ZFYVE9: variants seen among roughly 807,000 people sequenced by gnomAD.
The protein encoded by ZFYVE9 is zinc finger FYVE-type containing 9.
Under a neutral mutation model 126.7 loss-of-function variants are expected in ZFYVE9, and 43 were observed. That is an observed-to-expected ratio of 0.34 (90% CI 0.27 to 0.44). The LOEUF (loss-of-function observed/expected upper bound fraction) is 0.44. Among genes scored for constraint, ZFYVE9 ranks in the 20% least tolerant of loss-of-function variants. ZFYVE9 has a pLI of 1.00. For missense variants in ZFYVE9, 1,476 were observed against 1,697.0 expected, an observed-to-expected ratio of 0.87 and a Z score of 2.29; for synonymous variants, 521 against 597.4, an observed-to-expected ratio of 0.87 and a Z score of 1.87.
intron 16 of ZFYVE9, 86 bp downstream of exon 16, chr1:52,338,020 A>G: frequency 7.0e-7 from 1 of 1,435,946 alleles, no homozygotes; most frequent in South Asian, 1.5e-5. Context: ...GGTGTTTTAT[A>G]GTTTTACTGA....
In ZFYVE9 at chr1:52,148,566, A is replaced by G. The variant is rs144460946; in HGVS notation, c.-143+6163A>G. Among the ~76,000 whole-genome samples the G allele has an allele frequency of 7.9e-5, 12 of 152,280 alleles. No homozygotes were observed. The East Asian group carries it at 2.1e-3, about 27-fold the overall frequency. On this transcript the variant is annotated intron_variant, in intron 1 of 18. Coordinates refer to ENST00000287727, the MANE Select transcript of ZFYVE9 (RefSeq NM_004799.4). ...CTCTGGTTAATAGAACTGATTAACC[A>G]CATTGGGTGGTGATAGGAATGGTGG...
intron 1 of ZFYVE9, among the ~76,000 whole-genome samples, chr1:52,144,460 C>T (rs1324006783): frequency 2.0e-5 from 3 of 152,108 alleles, no homozygotes; most frequent in Non-Finnish European, 2.9e-5. Context: ...CTAGGGATGA[C>T]GATGGCCCAA....
chr1:52,330,815 C>A (rs1305362512), intron 13 of ZFYVE9, among the ~76,000 whole-genome samples: 1 of 152,056 alleles, frequency 6.6e-6, no homozygotes, highest in Non-Finnish European at 1.5e-5. Flanking sequence ...CTCATTTTAC[C>A]CAGCCCCTGT....
At chr1:52,292,082 C>T (rs1410148928) in intron 10 of ZFYVE9, among the ~76,000 whole-genome samples, 1 of 151,760 alleles carries the variant, frequency 6.6e-6, no homozygotes, top group Admixed American at 6.6e-5. Flanking sequence ...AATTTGAGAC[C>T]AGTCTGGCCA....
chr1:52,245,226 T>G (rs1284937410), intron 4 of ZFYVE9, among the ~76,000 whole-genome samples: 1 of 151,952 alleles, frequency 6.6e-6, no homozygotes, highest in African/African-American at 2.4e-5. Flanking sequence ...TACTTATTGC[T>G]TGGTATTCTG....
intron 4 of ZFYVE9, among the ~76,000 whole-genome samples, chr1:52,255,619 G>T: frequency 6.8e-6 from 1 of 146,896 alleles, no homozygotes; most frequent in African/African-American, 2.5e-5. Context: ...TAGGCTGGAT[G>T]CAGTGGCTCA....
At chr1:52,190,387 C>T (rs1644805923) in intron 1 of ZFYVE9, 1 of 152,102 alleles carries the variant, frequency 6.6e-6, no homozygotes, top group African/African-American at 2.4e-5. Context: ...TCAGTTTATG[C>T]TTAGTGTACT....
At chr1:52,148,805 A>G (rs943363809) in intron 1 of ZFYVE9, among the ~76,000 whole-genome samples, 2 of 151,280 alleles carry the variant, frequency 1.3e-5, no homozygotes, top group Non-Finnish European at 3.0e-5. Context: ...CCATGCCTGG[A>G]TAAGTTTTGT....
intron 10 of ZFYVE9, among the ~76,000 whole-genome samples, chr1:52,288,820 G>T (rs942797941): frequency 6.6e-6 from 1 of 151,438 alleles, no homozygotes; most frequent in African/African-American, 2.4e-5. Context: ...CAACTACTTG[G>T]GAAGCTCAGG....
In ZFYVE9 at chr1:52,296,972, A is replaced by G. The variant is rs1645981832; in HGVS notation, c.3333+995A>G. 2.0e-5 allele frequency among the ~76,000 whole-genome samples: 3 copies of G among 152,180 alleles called. No individual in the cohort carries two copies. The South Asian group carries it at 6.2e-4, about 32-fold the overall frequency. ...TGGGAGCACACTACCACACCCAGCT[A>G]ATTTTTGTATTTTTTGTAGAGAGAG... On this transcript the variant is annotated intron_variant, in intron 12 of 18. Coordinates refer to ENST00000287727, the MANE Select transcript of ZFYVE9 (RefSeq NM_004799.4).
chr1:52,318,284 CAGGATGAAAA>C (rs551462973), intron 13 of ZFYVE9, among the ~76,000 whole-genome samples: 73 of 151,716 alleles, frequency 4.8e-4, no homozygotes, highest in African/African-American at 1.5e-3. Context: ...GATCCTTTAA[CAGGATGAAAA>C]AGGAAAACCA....
intron 2 of ZFYVE9, among the ~76,000 whole-genome samples, chr1:52,221,896 G>A (rs766571636): frequency 6.6e-6 from 1 of 152,066 alleles, no homozygotes; most frequent in Non-Finnish European, 1.5e-5. Context: ...TTTGATATAG[G>A]GGCTTTGTTT....
At chr1:52,207,054 A>C (rs1419288182) in intron 1 of ZFYVE9, among the ~76,000 whole-genome samples, 1 of 152,254 alleles carries the variant, frequency 6.6e-6, no homozygotes, top group African/African-American at 2.4e-5. Flanking sequence ...TCTCTTCTGG[A>C]AACATTCTCC....
At chr1:52,289,480 T>G (rs1645896642) in intron 10 of ZFYVE9, among the ~76,000 whole-genome samples, 1 of 152,200 alleles carries the variant, frequency 6.6e-6, no homozygotes, top group Admixed American at 6.5e-5. Flanking sequence ...GAAGCAAGAT[T>G]TGGTATCTAT....
At chr1:52,345,231 G>A (rs996474521) in intron 18 of ZFYVE9, among the ~76,000 whole-genome samples, 3 of 152,154 alleles carry the variant, frequency 2.0e-5, no homozygotes, top group African/African-American at 7.2e-5. Context: ...GACCTGCCAG[G>A]TCCTGCCTTG....
Position 52,153,463 on chromosome 1 carries a change from C to T in ZFYVE9, c.-143+11060C>T, listed in dbSNP as rs572452080. Among the ~76,000 whole-genome samples, 6 of 152,302 alleles carry T rather than the reference C, an allele frequency of 3.9e-5. No individual in the cohort carries two copies. In the South Asian group the frequency reaches 1.0e-3, roughly 26 times the overall value. On this transcript the variant is annotated intron_variant, in intron 1 of 18. Coordinates refer to ENST00000287727, the MANE Select transcript of ZFYVE9 (RefSeq NM_004799.4). ...AGTGGTTTGACCCAAACCCTCATTT[C>T]TGAGGGGTCTGAGACTGGAGTGGTT...
intron 1 of ZFYVE9, among the ~76,000 whole-genome samples, chr1:52,195,549 C>A (rs1056885917): frequency 2.0e-5 from 3 of 152,030 alleles, no homozygotes; most frequent in African/African-American, 4.8e-5. Flanking sequence ...CTAATTATAC[C>A]CACTATTTAG....
intron 13 of ZFYVE9, among the ~76,000 whole-genome samples, chr1:52,327,012 T>G (rs1383177998): frequency 1.3e-5 from 2 of 150,320 alleles, no homozygotes; most frequent in Non-Finnish European, 3.0e-5. Context: ...AATACAAAAA[T>G]TAGCTGGGCA....
chr1:52,274,859 C>T (rs185519577), intron 8 of ZFYVE9, among the ~76,000 whole-genome samples: 18 of 152,224 alleles, frequency 1.2e-4, no homozygotes, highest in African/African-American at 4.3e-4. Context: ...TTTCAAAGCA[C>T]ATAATATTCT....
Sources: allele counts gnomAD v4.1 joint callset (sites outside exome capture counted in the v4.1 genomes callset), GRCh38; gene constraint gnomAD v4.1.1; transcripts MANE v1.5; gene names NCBI Gene and HGNC (gene_info 2026-07-23, HGNC 2026-07-21).